NRXN1: variants seen among roughly 807,000 people sequenced by gnomAD.
The protein encoded by NRXN1 is neurexin 1.
A neutral mutation model predicts 150.9 loss-of-function variants in NRXN1; 39 were observed. The observed-to-expected ratio is 0.26, with a 90% CI of 0.20 to 0.34. NRXN1 has a LOEUF of 0.34. Among genes scored for constraint, NRXN1 ranks in the 10% least tolerant of loss-of-function variants. The pLI, the probability that NRXN1 is intolerant of heterozygous loss-of-function variation, is 1.00. For synonymous variants in NRXN1, 924 were observed against 757.0 expected (o/e 1.22, Z -3.62); for missense variants, 1,815 against 1,949.9 (o/e 0.93, Z 1.30).
chr2:50,446,559 TTTCCTTCC>T (rs971328321), intron 17 of NRXN1, among the ~76,000 whole-genome samples: 5 of 129,978 alleles, frequency 3.8e-5, no homozygotes, highest in Admixed American at 3.0e-4. Flanking sequence ...TCCCTCCTTC[TTTCCTTCC>T]TTCCTTCTTT....
intron 18 of NRXN1, among the ~76,000 whole-genome samples, chr2:50,168,362 C>T (rs1443351332): frequency 6.6e-6 from 1 of 152,118 alleles, no homozygotes; most frequent in Non-Finnish European, 1.5e-5. Context: ...GGAAATAAAC[C>T]ATACTGAAGA....
intron 21 of NRXN1, among the ~76,000 whole-genome samples, chr2:49,989,561 G>A (rs7421423): frequency 0.47 from 70,945 of 151,906 alleles, 17,210 homozygotes; most frequent in Middle Eastern, 0.6. Flanking sequence ...ACACCACACG[G>A]AGCCATGAAG....
chr2:50,426,022 A>C (rs2084452791), intron 17 of NRXN1, among the ~76,000 whole-genome samples: 1 of 152,302 alleles, frequency 6.6e-6, no homozygotes, highest in East Asian at 1.9e-4. Flanking sequence ...ACATTTTAAC[A>C]TCCTTTCAAA....
At chr2:50,385,521 G>A (rs2081276234) in intron 17 of NRXN1, among the ~76,000 whole-genome samples, 1 of 152,134 alleles carries the variant, frequency 6.6e-6, no homozygotes, top group African/African-American at 2.4e-5. Context: ...GGTGGCATGT[G>A]GCTTACACCT....
chr2:50,600,475 C>A (rs1372680869), intron 8 of NRXN1, among the ~76,000 whole-genome samples: 1 of 151,932 alleles, frequency 6.6e-6, no homozygotes, highest in East Asian at 1.9e-4. Context: ...CAGGCGTGTG[C>A]CACCATGTCC....
At chr2:50,061,985 G>C (rs902758718) in intron 19 of NRXN1, among the ~76,000 whole-genome samples, 2 of 152,032 alleles carry the variant, frequency 1.3e-5, no homozygotes, top group African/African-American at 2.4e-5. Flanking sequence ...TAATGCCATT[G>C]CAACAAGGTA....
intron 19 of NRXN1, among the ~76,000 whole-genome samples, chr2:50,076,218 T>A (rs539396301): frequency 1.6e-4 from 24 of 152,288 alleles, no homozygotes; most frequent in Non-Finnish European, 2.4e-4. Flanking sequence ...AGGAACAATC[T>A]TAAGTTTTTG....
intron 5 of NRXN1, among the ~76,000 whole-genome samples, chr2:50,681,597 T>G (rs969102180): frequency 6.6e-6 from 1 of 152,268 alleles, no homozygotes; most frequent in South Asian, 2.1e-4. Context: ...CAACCCACAT[T>G]AGTAAATATT....
At chr2:50,955,919 C>T (rs1173838581) in intron 2 of NRXN1, among the ~76,000 whole-genome samples, 1 of 152,120 alleles carries the variant, frequency 6.6e-6, no homozygotes, top group Non-Finnish European at 1.5e-5. Context: ...GTCCGTTTTC[C>T]CAGAGTCTGC....
chr2:50,926,041 C>T (rs1686823338), intron 2 of NRXN1, 86 bp from the exon 3 acceptor site: 2 of 1,019,940 alleles, frequency 2.0e-6, no homozygotes, highest in Non-Finnish European at 3.0e-6. Flanking sequence ...GCATGTCTTC[C>T]TCATGCAAGG....
At chr2:50,339,988 G>C (rs1017707634) in intron 17 of NRXN1, among the ~76,000 whole-genome samples, 1 of 152,108 alleles carries the variant, frequency 6.6e-6, no homozygotes, top group Non-Finnish European at 1.5e-5. Context: ...TAAATCCAGT[G>C]GGTTTTGTTT....
At chr2:51,012,616 T>G (rs1363647057) in intron 2 of NRXN1, among the ~76,000 whole-genome samples, 1 of 152,072 alleles carries the variant, frequency 6.6e-6, no homozygotes, top group East Asian at 1.9e-4. Flanking sequence ...GTCAAACGTT[T>G]AGTCCTCAAG....
At chr2:50,809,102 C>G (rs1257679310) in intron 5 of NRXN1, among the ~76,000 whole-genome samples, 1 of 152,064 alleles carries the variant, frequency 6.6e-6, no homozygotes, top group Non-Finnish European at 1.5e-5. Flanking sequence ...GATTAAGAAT[C>G]AGACAATCAG....
intron 18 of NRXN1, among the ~76,000 whole-genome samples, chr2:50,102,053 T>C (rs1305030115): frequency 6.6e-6 from 1 of 152,038 alleles, no homozygotes; most frequent in Non-Finnish European, 1.5e-5. Flanking sequence ...AATGAATATT[T>C]TCTAAAGAAT....
At chr2:50,816,857 A>C (rs958844465) in intron 5 of NRXN1, among the ~76,000 whole-genome samples, 13 of 152,140 alleles carry the variant, frequency 8.5e-5, no homozygotes, top group African/African-American at 2.9e-4. Context: ...CCTCCAAGAT[A>C]TTAAAACATA....
At chr2:50,560,994 G>C (rs537568921) in intron 8 of NRXN1, among the ~76,000 whole-genome samples, 2 of 152,134 alleles carry the variant, frequency 1.3e-5, no homozygotes, top group East Asian at 1.9e-4. Context: ...AAATTGGAGA[G>C]GGAAAAAACA....
At chr2:50,137,428 T>G (rs1706591722) in intron 18 of NRXN1, among the ~76,000 whole-genome samples, 1 of 152,248 alleles carries the variant, frequency 6.6e-6, no homozygotes, top group African/African-American at 2.4e-5. Flanking sequence ...ATTAAGTCAC[T>G]GGGCTAGTAT....
chr2:50,954,762 T>C (rs975434451), intron 2 of NRXN1, among the ~76,000 whole-genome samples: 2 of 152,244 alleles, frequency 1.3e-5, no homozygotes, highest in African/African-American at 2.4e-5. Flanking sequence ...GGAGTTTCTA[T>C]GAATTAGGTA....
At chr2:50,459,560 G>A (rs138430031) in intron 17 of NRXN1, among the ~76,000 whole-genome samples, 8 of 152,218 alleles carry the variant, frequency 5.3e-5, no homozygotes, top group South Asian at 2.1e-4. Context: ...GGAACATGTG[G>A]TATTTGGTTT....
Sources: allele counts gnomAD v4.1 joint callset (sites outside exome capture counted in the v4.1 genomes callset), GRCh38; gene constraint gnomAD v4.1.1; transcripts MANE v1.5; gene names NCBI Gene and HGNC (gene_info 2026-07-23, HGNC 2026-07-21).